FRMPD4: variants seen among roughly 807,000 people sequenced by gnomAD.
The protein encoded by FRMPD4 is FERM and PDZ domain-containing protein 4.
A neutral mutation model predicts 94.1 loss-of-function variants in FRMPD4; 22 were observed. The observed-to-expected ratio is 0.23, with a 90% CI of 0.17 to 0.33. FRMPD4 has a LOEUF of 0.33. Ranked by LOEUF, FRMPD4 falls within the 10% of genes least tolerant of loss-of-function variation. The pLI is 1.00. For synonymous variants in FRMPD4, 631 were observed against 548.6 expected (o/e 1.15, Z -2.10); for missense variants, 1,111 against 1,339.9 (o/e 0.83, Z 2.67).
intron 1 of FRMPD4, among the ~76,000 whole-genome samples, chrX:12,240,895 G>A (rs2057122088): frequency 1.8e-5 from 2 of 112,171 alleles, no homozygotes; most frequent in South Asian, 7.5e-4. Flanking sequence ...CTTCCAAAAG[G>A]GTAATGTTTC....
chrX:11,986,623 A>G (rs1601870986), intron 3 of FRMPD4, among the ~76,000 whole-genome samples: 1 of 111,836 alleles, frequency 8.9e-6, no homozygotes, highest in East Asian at 2.8e-4. Context: ...TAAAAGACCA[A>G]CAAAATGAAA....
intron 1 of FRMPD4, among the ~76,000 whole-genome samples, chrX:12,373,637 A>G (rs1276039458): frequency 8.9e-6 from 1 of 112,156 alleles, no homozygotes; most frequent in Non-Finnish European, 1.9e-5. Context: ...TTATCTCCCA[A>G]CTAAACAAAG....
At chrX:12,110,196 C>T (rs2055344327) in intron 3 of FRMPD4, among the ~76,000 whole-genome samples, 1 of 112,166 alleles carries the variant, frequency 8.9e-6, no homozygotes, top group African/African-American at 3.2e-5. Flanking sequence ...CTGAATCCAG[C>T]AACACATCAA....
chrX:12,541,316 A>C (rs918498397), intron 2 of FRMPD4, among the ~76,000 whole-genome samples: 24 of 111,634 alleles, frequency 2.1e-4, no homozygotes, highest in Non-Finnish European at 3.0e-4. Context: ...TTTTTTGAAA[A>C]GATCAACACA....
intron 4 of FRMPD4, among the ~76,000 whole-genome samples, chrX:12,669,265 C>T (rs1241204220): frequency 1.8e-5 from 2 of 111,745 alleles, no homozygotes; most frequent in East Asian, 5.6e-4. Context: ...AACTGAGGCC[C>T]TTGGTCCAAC....
At chrX:12,674,393 G>T (rs1365273206) in intron 4 of FRMPD4, among the ~76,000 whole-genome samples, 1 of 111,684 alleles carries the variant, frequency 9.0e-6, no homozygotes, top group Admixed American at 9.5e-5. Flanking sequence ...GATCCTGAGA[G>T]GTAATGACGT....
At chrX:12,189,533 A>G (rs957534046) in intron 1 of FRMPD4, among the ~76,000 whole-genome samples, 7 of 112,128 alleles carry the variant, frequency 6.2e-5, no homozygotes, top group African/African-American at 2.3e-4. Flanking sequence ...AGCAAATTGA[A>G]TCAAAAAATG....
chrX:12,058,940 T>A (rs1601909481), intron 3 of FRMPD4, among the ~76,000 whole-genome samples: 1 of 111,310 alleles, frequency 9.0e-6, no homozygotes, highest in East Asian at 2.8e-4. Flanking sequence ...TAGTCAATAG[T>A]GTTGGGGTTT....
chrX:11,907,287 A>C (rs185744286), intron 3 of FRMPD4, among the ~76,000 whole-genome samples: 106 of 110,063 alleles, frequency 9.6e-4, no homozygotes, highest in African/African-American at 3.4e-3. Context: ...AAAAAAATCA[A>C]CTCCTTCTGT....
intron 3 of FRMPD4, among the ~76,000 whole-genome samples, chrX:12,123,698 T>C (rs1440100743): frequency 8.9e-6 from 1 of 111,812 alleles, no homozygotes; most frequent in Non-Finnish European, 1.9e-5. Context: ...CCCTGGTCTC[T>C]ACCAATTAGA....
chrX:12,531,328 T>C (rs760979076), intron 2 of FRMPD4, among the ~76,000 whole-genome samples: 10 of 112,065 alleles, frequency 8.9e-5, no homozygotes, highest in African/African-American at 3.2e-4. Context: ...GGAATATTGA[T>C]TTATTTTCCC....
chrX:11,904,844 C>T (rs1268180360), intron 3 of FRMPD4, among the ~76,000 whole-genome samples: 2 of 112,417 alleles, frequency 1.8e-5, no homozygotes, highest in Admixed American at 9.4e-5. Flanking sequence ...GTATTATTGA[C>T]ATGTAGGAAT....
chrX:11,973,099 T>C (rs2054349318), intron 3 of FRMPD4, among the ~76,000 whole-genome samples: 1 of 112,523 alleles, frequency 8.9e-6, no homozygotes, highest in Admixed American at 9.4e-5. Context: ...AGTAACTTTA[T>C]TTTTGCCTGG....
intron 1 of FRMPD4, among the ~76,000 whole-genome samples, chrX:12,293,122 A>G (rs766801736): frequency 8.9e-6 from 1 of 111,870 alleles, no homozygotes; most frequent in East Asian, 2.8e-4. Context: ...TGCTTCCACA[A>G]CTTTGCAGCT....
intron 2 of FRMPD4, among the ~76,000 whole-genome samples, chrX:12,569,829 T>A (rs1249641595): frequency 8.9e-6 from 1 of 112,084 alleles, no homozygotes; most frequent in Non-Finnish European, 1.9e-5. Flanking sequence ...AGCATTTTAG[T>A]GTATCTACAG....
chrX:12,347,922 T>A (rs191377339), intron 1 of FRMPD4, among the ~76,000 whole-genome samples: 71 of 112,030 alleles, frequency 6.3e-4, no homozygotes, highest in African/African-American at 2.1e-3. Context: ...CCAAGCAGAA[T>A]GATGTAATTT....
chrX:12,038,965 C>CT (rs2054735370), intron 3 of FRMPD4, among the ~76,000 whole-genome samples: 2 of 107,667 alleles, frequency 1.9e-5, no homozygotes, highest in Admixed American at 9.9e-5. Flanking sequence ...TAGTTTGTTC[C>CT]TTTTTTTTCT....
rs560728494 is a variant in FRMPD4, at chrX:11,999,749, G to A, written c.95+121731G>A. Among the ~76,000 whole-genome samples, 10 of 111,890 alleles carry A rather than the reference G, an allele frequency of 8.9e-5. No individual in the cohort carries two copies. The South Asian group carries it at 3.8e-3, about 42-fold the overall frequency. ...ACTCTTAAAAGGTAGAAAGCAAATC[G>A]GAATGGGAGATTACAGGGAAACAGG... On this transcript the variant is annotated intron_variant, in intron 3 of 18. Transcript: ENST00000640291.
chrX:12,059,627 C>G (rs1243011055), intron 3 of FRMPD4, among the ~76,000 whole-genome samples: 1 of 108,687 alleles, frequency 9.2e-6, no homozygotes, highest in Non-Finnish European at 1.9e-5. Flanking sequence ...TCCTGCCCCC[C>G]ATAGTAGTCC....
Sources: gnomAD v4.1 joint callset for allele counts (sites outside exome capture counted in the v4.1 genomes callset) on GRCh38, gnomAD v4.1.1 for gene constraint, MANE v1.5 for transcripts, NCBI Gene and HGNC (gene_info 2026-07-23, HGNC 2026-07-21) for gene names.